Variants in PNPT1 observed in about 807,000 individuals in gnomAD.
The protein encoded by PNPT1 is polyribonucleotide nucleotidyltransferase 1, also known as polyribonucleotide nucleotidyltransferase 1, mitochondrial.
A neutral mutation model predicts 119.5 loss-of-function variants in PNPT1; 53 were observed. The ratio of observed to expected loss-of-function variants is 0.44; its 90% confidence interval spans 0.36 to 0.56. PNPT1 has a LOEUF of 0.56. Among genes scored for constraint, PNPT1 ranks in the 20% least tolerant of loss-of-function variants. The pLI is 0.00. For synonymous variants in PNPT1, 357 were observed against 322.1 expected (o/e 1.11, Z -1.16); for missense variants, 948 against 938.5 (o/e 1.01, Z -0.13).
intron 18 of PNPT1, among the ~76,000 whole-genome samples, chr2:55,651,885 CAAAAAA>C: frequency 8.3e-6 from 1 of 119,768 alleles, no homozygotes; most frequent in African/African-American, 3.2e-5. Flanking sequence ...AAAGGAAAGT[CAAAAAA>C]AAAAAAAAAA....
intron 3 of PNPT1, 136 bp downstream of exon 3, chr2:55,686,233 CA>C: frequency 1.5e-6 from 1 of 680,096 alleles, no homozygotes; most frequent in Non-Finnish European, 2.4e-6. Flanking sequence ...TTTAATGAAT[CA>C]GTATCAAAAA....
chr2:55,681,512 G>C (rs1697248303), intron 5 of PNPT1, among the ~76,000 whole-genome samples: 1 of 151,920 alleles, frequency 6.6e-6, no homozygotes, highest in Non-Finnish European at 1.5e-5. Context: ...CTCGCATGTT[G>C]CAAGTATTCA....
chr2:55,680,814 A>C lies in PNPT1; in HGVS notation c.517+41T>G, dbSNP rs1697225188. 4 of 1,611,072 alleles carry C rather than the reference A, an allele frequency of 2.5e-6. 1 individual carries two copies. The Admixed American group carries it at 6.7e-5, about 27-fold the overall frequency. On this transcript the variant is annotated intron_variant, in intron 6 of 27. Coordinates refer to ENST00000447944, the MANE Select transcript of PNPT1 (RefSeq NM_033109.5). ...ATTAAAATTTCATTGCTTTAAAAAA[A>C]TTTTTAATCTGATAATTTTAATCTC...
chr2:55,645,268 C>G, intron 22 of PNPT1, 81 bp downstream of exon 22: 1 of 881,286 alleles, frequency 1.1e-6, no homozygotes, highest in Non-Finnish European at 1.8e-6. Context: ...TTGTGATCCG[C>G]TCGCCTCGGC....
Position 55,640,129 on chromosome 2 carries a change from T to C in PNPT1, c.2148+498A>G, listed in dbSNP as rs113007013. On this transcript the variant is annotated intron_variant, in intron 26 of 27. Transcript: ENST00000447944. ...TACTATTTTATTGTCTATGGCTTTATAATATATTTTAATATATGGTAAAAC... is the reference window on the plus strand; with the variant it reads ...TACTATTTTATTGTCTATGGCTTTACAATATATTTTAATATATGGTAAAAC... Among the ~76,000 whole-genome samples the C allele has an allele frequency of 1.9e-3, 284 of 152,314 alleles. 4 individuals carry two copies. Among genetic ancestry groups the C allele is most frequent in the African/African-American group, 6.2e-3 (256 of 41,564 alleles).
chr2:55,648,551 A>G (rs920008492), intron 18 of PNPT1, among the ~76,000 whole-genome samples: 1 of 152,164 alleles, frequency 6.6e-6, no homozygotes, highest in Non-Finnish European at 1.5e-5. Flanking sequence ...GTTATTTTAA[A>G]TCTGACTTGT....
intron 12 of PNPT1, 141 bp downstream of exon 12, chr2:55,667,721 G>A (rs1027066286): frequency 2.1e-5 from 23 of 1,090,502 alleles, no homozygotes; most frequent in Non-Finnish European, 2.5e-5. Flanking sequence ...TCTTCAATAG[G>A]TGTCCATTTA....
chr2:55,643,214 C>T lies in PNPT1; in HGVS notation c.2014-1G>A. 1.2e-6 allele frequency: 2 copies of T among 1,614,140 alleles called. No homozygotes were observed. The highest frequency in any genetic ancestry group is 1.7e-6 in the Non-Finnish European group (2 of 1,180,030). ...CTCCAAATTCTAATTGCTGCTCCTGCTGTAAGTGCAAAATAAGCCATAAGA... is the reference window on the plus strand; with the variant it reads ...CTCCAAATTCTAATTGCTGCTCCTGTTGTAAGTGCAAAATAAGCCATAAGA... On this transcript the variant is annotated splice_acceptor_variant, in intron 24 of 27. Transcript: ENST00000447944. LOFTEE classifies it high-confidence loss of function.
chr2:55,677,751 G>A (rs1327138424), intron 8 of PNPT1, among the ~76,000 whole-genome samples: 1 of 151,518 alleles, frequency 6.6e-6, no homozygotes, highest in Non-Finnish European at 1.5e-5. Context: ...TTGCTTGTTT[G>A]TTTTTTGAGA....
intron 4 of PNPT1, among the ~76,000 whole-genome samples, chr2:55,684,502 C>T (rs1489160628): frequency 3.3e-5 from 5 of 152,160 alleles, no homozygotes; most frequent in African/African-American, 1.2e-4. Flanking sequence ...CTATAAATTA[C>T]ATATGATCCC....
intron 1 of PNPT1, among the ~76,000 whole-genome samples, chr2:55,692,675 G>A (rs1219948970): frequency 6.6e-6 from 1 of 152,004 alleles, no homozygotes; most frequent in Non-Finnish European, 1.5e-5. Context: ...ATAAAATGAG[G>A]GTAATAGTAC....
intron 18 of PNPT1, among the ~76,000 whole-genome samples, chr2:55,652,435 C>T (rs773899316): frequency 6.6e-6 from 1 of 152,004 alleles, no homozygotes; most frequent in Non-Finnish European, 1.5e-5. Context: ...ATTTTTTTAT[C>T]CTGCTCAATT....
Position 55,680,868 on chromosome 2 carries a change from T to C in PNPT1, c.504A>G (p.Leu168=), listed in dbSNP as rs2104157137. ...TTTTATACTTACCGCCATTAATTGC[T>C]AGGACATCAGGCTCATTTACACCAT... ...AVDGVNEPDV[L]AINGASVALS... Residue 168 remains leucine, a synonymous_variant, in exon 6 of 28, where the codon CTA becomes CTG. Coordinates refer to ENST00000447944, the MANE Select transcript of PNPT1 (RefSeq NM_033109.5). 1.2e-6 allele frequency: 2 copies of C among 1,614,050 alleles called. No homozygotes were observed. Among genetic ancestry groups the C allele is most frequent in the East Asian group, 2.2e-5 (1 of 44,862 alleles).
chr2:55,656,637 C>T (rs1696396181), intron 15 of PNPT1, among the ~76,000 whole-genome samples: 1 of 152,048 alleles, frequency 6.6e-6, no homozygotes, highest in Non-Finnish European at 1.5e-5. Context: ...ATTTCCATTA[C>T]ATTTAAATTA....
chr2:55,641,086 T>G (rs1166811814), intron 25 of PNPT1, among the ~76,000 whole-genome samples: 1 of 151,772 alleles, frequency 6.6e-6, no homozygotes, highest in East Asian at 2.0e-4. Flanking sequence ...TAGCTGGGCC[T>G]GGTGGCGCGC....
intron 8 of PNPT1, among the ~76,000 whole-genome samples, chr2:55,679,361 TTA>T (rs1413553022): frequency 1.3e-5 from 2 of 152,174 alleles, no homozygotes; most frequent in Non-Finnish European, 2.9e-5. Context: ...GACTAATAAC[TTA>T]TTAGTCTAAA....
In PNPT1 at chr2:55,667,101, G is replaced by A. The variant is rs1696757799; in HGVS notation, c.1074-8C>T. The A allele has an allele frequency of 6.3e-7, 1 of 1,590,402 alleles. No homozygotes were observed. Among genetic ancestry groups the A allele is most frequent in the East Asian group, 2.2e-5 (1 of 44,684 alleles). ...AAATCCCGACCATCGCACCTATAGTGATATAGGAAATAAGTACATTAAGTA... is the reference window on the plus strand; with the variant it reads ...AAATCCCGACCATCGCACCTATAGTAATATAGGAAATAAGTACATTAAGTA... On this transcript the variant is annotated splice_region_variant and splice_polypyrimidine_tract_variant and intron_variant, in intron 12 of 27. Transcript: ENST00000447944.
At chr2:55,641,449 A>T (rs1695831986) in intron 25 of PNPT1, among the ~76,000 whole-genome samples, 1 of 151,798 alleles carries the variant, frequency 6.6e-6, no homozygotes, top group African/African-American at 2.4e-5. Context: ...TTGTATTTTT[A>T]GTAGAGATGG....
At chr2:55,645,982 C>T (rs1438150298) in intron 21 of PNPT1, among the ~76,000 whole-genome samples, 1 of 152,072 alleles carries the variant, frequency 6.6e-6, no homozygotes, top group Admixed American at 6.6e-5. Context: ...TATGCACCAC[C>T]ATGCCCGGCT....
Sources: allele counts gnomAD v4.1 joint callset (sites outside exome capture counted in the v4.1 genomes callset), GRCh38; gene constraint gnomAD v4.1.1; transcripts MANE v1.5; gene names NCBI Gene and HGNC (gene_info 2026-07-23, HGNC 2026-07-21).